The following SZT2 variants were observed in gnomAD, a reference collection of about 807,000 sequenced individuals.
SZT2 encodes KICSTOR complex protein SZT2.
A neutral mutation model predicts 404.2 loss-of-function variants in SZT2; 216 were observed. The ratio of observed to expected loss-of-function variants is 0.53; its 90% CI spans 0.48 to 0.60. The LOEUF is 0.60. SZT2 is among the 20% of genes least tolerant of loss of function. The pLI, the probability that SZT2 is intolerant of heterozygous loss-of-function variation, is 0.00. For missense variants in SZT2, 3,857 were observed against 4,459.2 expected, an observed-to-expected ratio of 0.86 and a Z score of 3.85; for synonymous variants, 1,693 against 1,749.9, an observed-to-expected ratio of 0.97 and a Z score of 0.81.
rs1283322745 is a variant in SZT2, at chr1:43,449,947, A to G, written c.10087-156A>G. On this transcript the variant is annotated intron_variant, in intron 70 of 71. Transcript: ENST00000634258. ...AGCAAGCCAGCGAGGATGAGGACTG[A>G]GGCTCAATTTGGAGACACGGTCCTA... 3.6e-6 allele frequency: 3 copies of G among 827,472 alleles called. No homozygotes were observed. In the African/African-American group the frequency reaches 5.0e-5, roughly 14 times the overall value. 51.3% of individuals were successfully genotyped at this position (827,472 alleles called of 1,614,324 possible). A position where few individuals can be genotyped will look rare whatever the true frequency, so the allele number is the denominator to read the frequency against.
Position 43,438,983 on chromosome 1 carries a change from A to G in SZT2, c.6682A>G (p.Thr2228Ala). The change falls in exon 48 of 72, where the codon ACC (threonine) becomes GCC (alanine). Residue 2228 changes from threonine to alanine, a missense_variant. Thr to Ala is a moderately conservative substitution (Grantham distance 58, BLOSUM62 0). Coordinates refer to ENST00000634258, the MANE Select transcript of SZT2 (RefSeq NM_001365999.1). ...PSEVLHLALP[T>A]SCRPWLPALA... ...AGAGGTGCTGCATCTGGCCCTACCCACCTCCTGCAGGCCCTGGCTTCCAGC... is the reference window on the plus strand; with the variant it reads ...AGAGGTGCTGCATCTGGCCCTACCCGCCTCCTGCAGGCCCTGGCTTCCAGC... 2 of 1,613,478 alleles carry G rather than the reference A, an allele frequency of 1.2e-6. No individual in the cohort carries two copies. The highest frequency in any genetic ancestry group is 1.7e-6 in the Non-Finnish European group (2 of 1,179,880).
At chr1:43,419,702 G>GT (rs1652111798) in intron 7 of SZT2, 32 bp from the exon 8 acceptor site, 3 of 1,563,892 alleles carry the variant, frequency 1.9e-6, no homozygotes, top group East Asian at 4.5e-5. Context: ...GCCTCTGTCA[G>GT]AGCTAGGTCT....
chr1:43,444,630 C>T (rs951083868), intron 62 of SZT2, among the ~76,000 whole-genome samples: 4 of 152,114 alleles, frequency 2.6e-5, no homozygotes, highest in African/African-American at 9.7e-5. Flanking sequence ...GGGAAGTAGG[C>T]AGCCCGTCTG....
At chr1:43,391,754 T>C (rs1040723715) in intron 1 of SZT2, among the ~76,000 whole-genome samples, 6 of 152,186 alleles carry the variant, frequency 3.9e-5, no homozygotes, top group Non-Finnish European at 4.4e-5. Context: ...GCAAGCCACA[T>C]GTGTAATATT....
chr1:43,391,934 A>ACATT (rs1648404324), intron 1 of SZT2, among the ~76,000 whole-genome samples: 1 of 69,166 alleles, frequency 1.4e-5, no homozygotes, highest in African/African-American at 6.0e-5. Flanking sequence ...AATACAAAAA[A>ACATT]TTAGCTGGGC....
At chr1:43,419,649 C>T in intron 7 of SZT2, 85 bp from the exon 8 acceptor site, 1 of 1,142,988 alleles carries the variant, frequency 8.7e-7, no homozygotes, top group Non-Finnish European at 1.2e-6. Context: ...TGGGAGCAGC[C>T]ACCTAGCCCA....
rs779138970 is a variant in SZT2 at position 43,450,374 on chromosome 1, A to C, written c.10193A>C (p.Gln3398Pro). 4 of 1,613,886 alleles carry C rather than the reference A, an allele frequency of 2.5e-6. No individual in the cohort carries two copies. Among genetic ancestry groups the C allele is most frequent in the Non-Finnish European group, 3.4e-6 (4 of 1,179,952 alleles). The change falls in exon 72 of 72, where the codon CAG becomes CCG. Residue 3398 changes from glutamine (Q) to proline (P), a missense_variant. Gln to Pro is a moderately conservative substitution (Grantham distance 76). Transcript: ENST00000634258. The surrounding 1 kb of genome is among the most constrained non-coding windows in gnomAD (Gnocchi z 4.3). ...TVVFREPFPV[Q>P]PQDSESPPAQ... ...GTTTTCCGAGAGCCCTTCCCAGTACAGCCCCAGGACAGCGAGAGCCCCCCT... is the reference window on the plus strand; with the variant it reads ...GTTTTCCGAGAGCCCTTCCCAGTACCGCCCCAGGACAGCGAGAGCCCCCCT...
At position 43,447,524 on chromosome 1, in the gene SZT2, C is replaced by T. The variant is rs41270361; in HGVS notation, c.9287-21C>T. Reference sequence around the variant, plus strand: ...CTGTCCTAGGCTTAGTGTCTGCTGTCTCCTGTTACTTATCCCTCAGGGACA... The same window carrying T: ...CTGTCCTAGGCTTAGTGTCTGCTGTTTCCTGTTACTTATCCCTCAGGGACA... On this transcript the variant is annotated intron_variant, in intron 66 of 71. Coordinates refer to ENST00000634258, the MANE Select transcript of SZT2 (RefSeq NM_001365999.1). The T allele has an allele frequency of 0.036, 58,583 of 1,611,524 alleles. 1,226 individuals are homozygous for T. Among genetic ancestry groups the T allele is most frequent in the Non-Finnish European group, 0.042 (49,116 of 1,178,648 alleles).
chr1:43,428,133 C>A lies in SZT2; in HGVS notation c.3919+15C>A. The A allele has an allele frequency of 1.9e-6, 3 of 1,612,450 alleles. No individual in the cohort carries two copies. The highest frequency in any genetic ancestry group is 2.5e-6 in the Non-Finnish European group (3 of 1,178,676). Reference sequence around the variant, plus strand: ...CTATGTCCGTGGTGAGCAGGAGGGCCGTGGGAGGGAGGAGTGGGGCCCTGC... The same window carrying A: ...CTATGTCCGTGGTGAGCAGGAGGGCAGTGGGAGGGAGGAGTGGGGCCCTGC... On this transcript the variant is annotated intron_variant, in intron 27 of 71. Transcript: ENST00000634258.
chr1:43,415,841 G>T (rs1651655677), intron 5 of SZT2, 119 bp from the exon 6 acceptor site: 1 of 1,198,230 alleles, frequency 8.3e-7, no homozygotes, highest in African/African-American at 1.5e-5. Context: ...GGGAATTGAG[G>T]TTCTCACAGG....
In SZT2 at chr1:43,442,069, T is replaced by A. The variant is rs551577660; in HGVS notation, c.7812T>A (p.Ala2604=). The A allele has an allele frequency of 1.9e-4, 299 of 1,613,440 alleles. 5 individuals are homozygous for A. In the South Asian group the frequency reaches 3.2e-3, roughly 17 times the overall value. Residue 2604 remains alanine (A), a synonymous_variant, in exon 56 of 72, where the codon GCT becomes GCA. Coordinates refer to ENST00000634258, the MANE Select transcript of SZT2 (RefSeq NM_001365999.1). The surrounding 1 kb of genome is among the most constrained non-coding windows in gnomAD (Gnocchi z 4.5). ...GQLGPSPRPA[A]ERHLLLLGRN... is the part of the protein sequence containing the mutation. ...TGGGCCCCTCTCCCCGCCCTGCAGC[T>A]GAGCGGCATCTGCTGCTTCTGGGAA...
At chr1:43,427,898 A>G in intron 26 of SZT2, 105 bp from the exon 27 acceptor site, 1 of 1,304,556 alleles carries the variant, frequency 7.7e-7, no homozygotes, top group Non-Finnish European at 1.1e-6. Context: ...CCATGAATAC[A>G]CTTGATATGT....
In SZT2 at chr1:43,442,224, G is replaced by T. The variant is rs1417969755; in HGVS notation, c.7874-44G>T. ...CAGAGGGGAGGGTGGGATCAAGGGGGATCTGTTCCCAGGCCCCTATTGTGC... is the reference window on the plus strand; with the variant it reads ...CAGAGGGGAGGGTGGGATCAAGGGGTATCTGTTCCCAGGCCCCTATTGTGC... On this transcript the variant is annotated intron_variant, in intron 56 of 71. Coordinates refer to ENST00000634258, the MANE Select transcript of SZT2 (RefSeq NM_001365999.1). This position sits in a 1 kb window ranked among gnomAD's most constrained non-coding sequence, Gnocchi z 4.5. 1 of 1,603,200 alleles carries T rather than the reference G, an allele frequency of 6.2e-7. No homozygotes were observed. The highest frequency in any genetic ancestry group is 1.3e-5 in the African/African-American group (1 of 74,706).
rs1656615361 is a variant in SZT2 at position 43,453,066 on chromosome 1, G to A, written c.*2586G>A. 1 of 991,628 alleles carries A rather than the reference G, an allele frequency of 1.0e-6. No individual in the cohort carries two copies. The allele number at this position is 991,628 out of a possible 1,614,324, so 61.4% of individuals were successfully genotyped here. Reference sequence around the variant, plus strand: ...CTTTCTCTGATCCAGACAGGGTTAGGTGCCTACCCTGCTCCCACAGCTTCC... The same window carrying A: ...CTTTCTCTGATCCAGACAGGGTTAGATGCCTACCCTGCTCCCACAGCTTCC... On this transcript the variant is annotated 3_prime_UTR_variant, in exon 72 of 72. Coordinates refer to ENST00000634258, the MANE Select transcript of SZT2 (RefSeq NM_001365999.1).
At position 43,447,134 on chromosome 1, in the gene SZT2, C is replaced by T. The variant is rs761154400; in HGVS notation, c.9252C>T (p.Asp3084=). The change falls in exon 66 of 72, where the codon GAC becomes GAT. Residue 3084 remains aspartate (D), a synonymous_variant. Coordinates refer to ENST00000634258, the MANE Select transcript of SZT2 (RefSeq NM_001365999.1). Reference sequence around the variant, plus strand: ...GACACTTCCTGGCCCACCACCCTGACGGACCCCACTTTGGCCGCAATCACA... The same window carrying T: ...GACACTTCCTGGCCCACCACCCTGATGGACCCCACTTTGGCCGCAATCACA... ...FLRHFLAHHP[D]GPHFGRNHIY... The T allele has an allele frequency of 6.2e-6, 10 of 1,613,370 alleles. No homozygotes were observed. The highest frequency in any genetic ancestry group is 1.8e-4 in the Middle Eastern group (1 of 5,676).
chr1:43,406,752 C>T (rs1474622301), intron 4 of SZT2: 1 of 152,212 alleles, frequency 6.6e-6, no homozygotes, highest in Non-Finnish European at 1.5e-5. Flanking sequence ...CCTGGCAGTA[C>T]CACTTACTGG....
intron 40 of SZT2, among the ~76,000 whole-genome samples, chr1:43,433,398 A>G (rs759784764): frequency 6.6e-6 from 1 of 152,242 alleles, no homozygotes; most frequent in Non-Finnish European, 1.5e-5. Context: ...TATAGATGAG[A>G]GTCGAAAAGC....
At chr1:43,415,688 G>A (rs886537300) in intron 5 of SZT2, among the ~76,000 whole-genome samples, 1 of 152,138 alleles carries the variant, frequency 6.6e-6, no homozygotes. Flanking sequence ...ATGTGGAAAG[G>A]GGCCCTTCTT....
At position 43,425,945 on chromosome 1, in the gene SZT2, T is replaced by C; in HGVS notation, c.2925T>C (p.Ser975=). The C allele has an allele frequency of 6.2e-7, 1 of 1,614,024 alleles. No homozygotes were observed. The highest frequency in any genetic ancestry group is 8.5e-7 in the Non-Finnish European group (1 of 1,179,908). Residue 975 remains serine (S), a synonymous_variant, in exon 20 of 72, where the codon TCT becomes TCC. Transcript: ENST00000634258. The surrounding 1 kb of genome is among the most constrained non-coding windows in gnomAD (Gnocchi z 4.3). ...WGPLPPEPRV[S]DGLDQGGDTC... The stretch of plus-strand genomic sequence containing the variant: ...CTCTGCCCCCAGAGCCGAGGGTCTC[T>C]GATGGTGAGTGGGGCAGGCGGCCCA...
Sources: gnomAD v4.1 joint callset for allele counts (sites outside exome capture counted in the v4.1 genomes callset) on GRCh38, gnomAD v4.1.1 for gene constraint, Gnocchi (gnomAD v3.1) non-coding constraint, MANE v1.5 for transcripts, NCBI Gene and HGNC (gene_info 2026-07-23, HGNC 2026-07-21) for gene names.